The following IMMP2L variants were observed in gnomAD, a reference collection of about 807,000 sequenced individuals.
The protein encoded by IMMP2L is mitochondrial inner membrane protease subunit 2.
A neutral mutation model predicts 19.3 loss-of-function variants in IMMP2L; 18 were observed. The ratio of observed to expected loss-of-function variants is 0.93; its 90% CI spans 0.64 to 1.38. The LOEUF (loss-of-function observed/expected upper bound fraction) is 1.38. Ranked by LOEUF, IMMP2L falls within the 40% of genes most tolerant of loss-of-function variation. The probability of loss-of-function intolerance (pLI) is 0.00; values close to 1 mark genes in which losing one functional copy is unlikely to be tolerated. For missense variants in IMMP2L, 233 were observed against 218.2 expected (o/e 1.07, Z -0.43); for synonymous variants, 76 against 73.0 (o/e 1.04, Z -0.21).
At chr7:111,070,798 C>T (rs1354206966) in intron 3 of IMMP2L, among the ~76,000 whole-genome samples, 6 of 152,186 alleles carry the variant, frequency 3.9e-5, no homozygotes, top group African/African-American at 1.4e-4. Flanking sequence ...AACAAACCTA[C>T]ACTTCTTAAA....
chr7:111,070,823 T>A (rs1794892942), intron 3 of IMMP2L, among the ~76,000 whole-genome samples: 1 of 152,194 alleles, frequency 6.6e-6, no homozygotes, highest in Non-Finnish European at 1.5e-5. Context: ...AGTAGACACA[T>A]CTTCAAGTTG....
At chr7:110,797,011 T>G (rs928729967) in intron 5 of IMMP2L, among the ~76,000 whole-genome samples, 12 of 151,920 alleles carry the variant, frequency 7.9e-5, no homozygotes, top group Non-Finnish European at 1.6e-4. Flanking sequence ...AACTCCCCAC[T>G]TCCAAGAAGA....
At chr7:110,970,962 G>A (rs1820078056) in intron 3 of IMMP2L, among the ~76,000 whole-genome samples, 2 of 152,092 alleles carry the variant, frequency 1.3e-5, no homozygotes, top group Admixed American at 1.3e-4. Flanking sequence ...AGGTTTGAAG[G>A]ATATTCATAC....
intron 3 of IMMP2L, among the ~76,000 whole-genome samples, chr7:111,426,724 T>C (rs1167724686): frequency 6.6e-6 from 1 of 151,370 alleles, no homozygotes; most frequent in Non-Finnish European, 1.5e-5. Flanking sequence ...ACCAAAATTC[T>C]GGCATATGTG....
At chr7:110,884,994 G>T (rs540894980) in intron 5 of IMMP2L, among the ~76,000 whole-genome samples, 38 of 152,036 alleles carry the variant, frequency 2.5e-4, no homozygotes, top group African/African-American at 9.2e-4. Context: ...GACAGCAGGA[G>T]TGTGCCCTCA....
At chr7:111,148,808 A>T (rs892190555) in intron 3 of IMMP2L, among the ~76,000 whole-genome samples, 1 of 151,982 alleles carries the variant, frequency 6.6e-6, no homozygotes, top group Non-Finnish European at 1.5e-5. Context: ...TAGTTTATTT[A>T]TTGTCAAATG....
intron 3 of IMMP2L, among the ~76,000 whole-genome samples, chr7:111,401,204 C>T (rs1346806385): frequency 6.6e-6 from 1 of 152,122 alleles, no homozygotes; most frequent in Non-Finnish European, 1.5e-5. Flanking sequence ...TAAGGTTAAT[C>T]TGTAAATAAA....
chr7:110,962,772 C>T, intron 4 of IMMP2L: 1 of 1,132,492 alleles, frequency 8.8e-7, no homozygotes, highest in Middle Eastern at 3.7e-4. Flanking sequence ...AATACAAATA[C>T]TTTAGGATCA....
At chr7:111,051,396 A>G (rs1371361639) in intron 3 of IMMP2L, among the ~76,000 whole-genome samples, 2 of 152,234 alleles carry the variant, frequency 1.3e-5, no homozygotes, top group Admixed American at 6.5e-5. Context: ...TGAACAGTAC[A>G]CAGGACAAAG....
At chr7:110,847,981 AT>A (rs371489857) in intron 5 of IMMP2L, among the ~76,000 whole-genome samples, 1 of 152,262 alleles carries the variant, frequency 6.6e-6, no homozygotes, top group African/African-American at 2.4e-5. Context: ...ATGGAAAAAA[AT>A]AAATGACGTA....
intron 3 of IMMP2L, among the ~76,000 whole-genome samples, chr7:110,994,995 T>A (rs1822883044): frequency 6.6e-6 from 1 of 152,142 alleles, no homozygotes; most frequent in Non-Finnish European, 1.5e-5. Context: ...CCCACAGCTA[T>A]ATAGTACATT....
intron 4 of IMMP2L, among the ~76,000 whole-genome samples, chr7:110,904,616 T>C (rs1812267390): frequency 6.6e-6 from 1 of 152,208 alleles, no homozygotes; most frequent in Admixed American, 6.5e-5. Flanking sequence ...TATACGCTTG[T>C]TTTTATTCCA....
At chr7:111,436,855 T>C (rs928247460) in intron 3 of IMMP2L, among the ~76,000 whole-genome samples, 8 of 151,802 alleles carry the variant, frequency 5.3e-5, no homozygotes, top group Non-Finnish European at 4.4e-5. Context: ...AAGTTTCCAG[T>C]CATGGCAGAA....
chr7:110,718,624 T>A (rs1476230231), intron 5 of IMMP2L, among the ~76,000 whole-genome samples: 4 of 152,124 alleles, frequency 2.6e-5, no homozygotes, highest in Non-Finnish European at 4.4e-5. Context: ...AGGTTGGCAA[T>A]CGTTTAAGTT....
At chr7:110,888,675 C>T (rs2129545766) in intron 4 of IMMP2L, among the ~76,000 whole-genome samples, 1 of 152,296 alleles carries the variant, frequency 6.6e-6, no homozygotes, top group East Asian at 1.9e-4. Flanking sequence ...TACACGTTTC[C>T]TTGCACTGAC....
At chr7:110,958,506 C>T (rs1818597338) in intron 4 of IMMP2L, among the ~76,000 whole-genome samples, 1 of 152,026 alleles carries the variant, frequency 6.6e-6, no homozygotes, top group African/African-American at 2.4e-5. Flanking sequence ...GAGCAGATCA[C>T]AGTTTTATTG....
intron 3 of IMMP2L, among the ~76,000 whole-genome samples, chr7:111,168,765 A>C (rs541773936): frequency 6.6e-6 from 1 of 152,042 alleles, no homozygotes; most frequent in East Asian, 1.9e-4. Flanking sequence ...ATGAGTAAAT[A>C]ATCTGGCCTT....
At chr7:110,717,771 G>T (rs1482105590) in intron 5 of IMMP2L, among the ~76,000 whole-genome samples, 1 of 152,196 alleles carries the variant, frequency 6.6e-6, no homozygotes, top group African/African-American at 2.4e-5. Context: ...TTTGTTGGTA[G>T]AACCCAGATT....
At chr7:110,876,073 T>C (rs1234207346) in intron 5 of IMMP2L, among the ~76,000 whole-genome samples, 1 of 152,192 alleles carries the variant, frequency 6.6e-6, no homozygotes, top group African/African-American at 2.4e-5. Flanking sequence ...AATTAAAACA[T>C]TTATTTACAA....
Sources: allele counts gnomAD v4.1 joint callset (sites outside exome capture counted in the v4.1 genomes callset), GRCh38; gene constraint gnomAD v4.1.1; transcripts MANE v1.5; gene names NCBI Gene and HGNC (gene_info 2026-07-23, HGNC 2026-07-21).